RBBP8: variants seen among roughly 807,000 people sequenced by gnomAD.
RBBP8 encodes the protein DNA endonuclease RBBP8.
A neutral mutation model predicts 108.3 loss-of-function variants in RBBP8; 88 were observed. That is an observed-to-expected ratio of 0.81 (90% CI 0.68 to 0.97). RBBP8 has a LOEUF of 0.97. Ranked by LOEUF, RBBP8 falls within the 50% of genes least tolerant of loss-of-function variation. RBBP8 has a pLI of 0.00. For synonymous variants in RBBP8, 332 were observed against 348.2 expected (o/e 0.95, Z 0.52); for missense variants, 1,023 against 1,049.0 (o/e 0.98, Z 0.34).
intron 4 of RBBP8, among the ~76,000 whole-genome samples, chr18:22,957,291 CTTTTT>C (rs11418623): frequency 3.0e-4 from 28 of 92,876 alleles, no homozygotes; most frequent in African/African-American, 5.2e-4. Context: ...ATTACTTTTT[CTTTTT>C]TTTTTTTTTT....
intron 7 of RBBP8, among the ~76,000 whole-genome samples, chr18:22,982,891 T>C (rs1368570922): frequency 6.6e-6 from 1 of 152,232 alleles, no homozygotes; most frequent in African/African-American, 2.4e-5. Flanking sequence ...ATTATGTAGA[T>C]GAGTCAAAAT....
chr18:22,998,881 G>GA (rs1207028891), intron 14 of RBBP8, among the ~76,000 whole-genome samples: 2 of 152,110 alleles, frequency 1.3e-5, no homozygotes, highest in East Asian at 1.9e-4. Context: ...CCTATTAAAA[G>GA]AAAAAACCTT....
chr18:22,996,451 A>G lies in RBBP8; in HGVS notation c.2017A>G (p.Ile673Val). The G allele has an allele frequency of 6.2e-7, 1 of 1,613,542 alleles. No individual in the cohort carries two copies. The change falls in exon 13 of 19, where the codon ATA becomes GTA. Residue 673 changes from isoleucine (I) to valine (V), a missense_variant. Transcript: ENST00000327155. ...LSQYKMDVTV[I>V]DTKDGSQSKL... ...TCAGTATAAAATGGATGTTACTGTA[A>G]TAGATACAAAGGTAAGTTAAAAAGT...
upstream of RBBP8, among the ~76,000 whole-genome samples, chr18:22,931,939 C>G (rs908697305): frequency 3.3e-5 from 5 of 152,052 alleles, no homozygotes; most frequent in Admixed American, 3.3e-4. Flanking sequence ...TGGTTGGTAG[C>G]GTGGATGTGG....
intron 2 of RBBP8, among the ~76,000 whole-genome samples, chr18:22,940,433 G>T (rs1425334212): frequency 2.0e-5 from 3 of 149,574 alleles, no homozygotes; most frequent in Non-Finnish European, 4.4e-5. Context: ...CCATTCTCCT[G>T]CCTCAGCCTC....
At chr18:23,022,637 T>TAAAATA (rs376205689) in intron 18 of RBBP8, among the ~76,000 whole-genome samples, 4 of 78,046 alleles carry the variant, frequency 5.1e-5, no homozygotes, top group African/African-American at 2.0e-4. Flanking sequence ...TAAAATAAAA[T>TAAAATA]AAATAAAATA....
intron 18 of RBBP8, among the ~76,000 whole-genome samples, chr18:23,025,029 A>G (rs1468166767): frequency 2.0e-5 from 3 of 152,272 alleles, no homozygotes; most frequent in South Asian, 4.1e-4. Context: ...GGGAGGATCC[A>G]TTGAGCCCAG....
chr18:22,916,212 G>A (rs915925100), intron 2 of RBBP8, among the ~76,000 whole-genome samples: 13 of 151,690 alleles, frequency 8.6e-5, no homozygotes, highest in East Asian at 3.9e-4. Flanking sequence ...GCACAATTTC[G>A]CATAACTCTT....
chr18:22,915,761 A>T (rs771719051), intron 2 of RBBP8, among the ~76,000 whole-genome samples: 1 of 152,132 alleles, frequency 6.6e-6, no homozygotes, highest in African/African-American at 2.4e-5. Context: ...TTTAAAACAT[A>T]GGGCTTACTG....
intron 15 of RBBP8, among the ~76,000 whole-genome samples, chr18:23,002,853 C>G (rs1449390431): frequency 6.6e-6 from 1 of 152,094 alleles, no homozygotes; most frequent in African/African-American, 2.4e-5. Context: ...CTTGCTTAGT[C>G]CATGGCAAAA....
chr18:22,990,648 CCTT>C (rs1915618151), intron 9 of RBBP8, among the ~76,000 whole-genome samples: 1 of 152,154 alleles, frequency 6.6e-6, no homozygotes, highest in Non-Finnish European at 1.5e-5. Flanking sequence ...ATTTTTATCA[CCTT>C]CAAAGAAAAC....
chr18:22,988,128 G>C (rs527844191), intron 8 of RBBP8, among the ~76,000 whole-genome samples: 1 of 152,100 alleles, frequency 6.6e-6, no homozygotes, highest in African/African-American at 2.4e-5. Context: ...TACTAGTTTA[G>C]GCTACTAGCA....
intron 6 of RBBP8, among the ~76,000 whole-genome samples, chr18:22,979,868 G>C (rs192800255): frequency 1.1e-4 from 16 of 152,328 alleles, no homozygotes; most frequent in Admixed American, 3.3e-4. Flanking sequence ...TATGTCTACT[G>C]TGGTAGGCTC....
At chr18:22,975,945 T>A (rs180937040) in intron 6 of RBBP8, among the ~76,000 whole-genome samples, 2 of 152,270 alleles carry the variant, frequency 1.3e-5, no homozygotes, top group East Asian at 1.9e-4. Flanking sequence ...AGAGCAGAGA[T>A]ATGACTAACT....
chr18:23,024,734 A>T (rs542556542), intron 18 of RBBP8: 4 of 152,170 alleles, frequency 2.6e-5, no homozygotes, highest in African/African-American at 9.7e-5. Flanking sequence ...TGAAAACAAG[A>T]TATGTTTTCT....
At chr18:23,009,036 G>C (rs906990357) in intron 16 of RBBP8, among the ~76,000 whole-genome samples, 7 of 152,082 alleles carry the variant, frequency 4.6e-5, no homozygotes, top group Non-Finnish European at 1.0e-4. Flanking sequence ...GCCTCCCAAA[G>C]TGCTGGGATT....
intron 2 of RBBP8, among the ~76,000 whole-genome samples, chr18:22,941,810 T>C (rs572822420): frequency 1.2e-4 from 19 of 152,188 alleles, no homozygotes; most frequent in African/African-American, 4.1e-4. Context: ...TTTATGAATA[T>C]TAGGTATTGG....
chr18:22,971,707 G>A (rs1259136311), intron 5 of RBBP8, among the ~76,000 whole-genome samples: 7 of 143,444 alleles, frequency 4.9e-5, no homozygotes, highest in South Asian at 2.2e-4. Flanking sequence ...GTGCAGTGGC[G>A]TCATCTCTGC....
At chr18:22,938,738 A>G (rs1910791685) in intron 2 of RBBP8, among the ~76,000 whole-genome samples, 1 of 152,234 alleles carries the variant, frequency 6.6e-6, no homozygotes, top group South Asian at 2.1e-4. Flanking sequence ...TTTCTTCTAT[A>G]AAATTCTTTG....
Sources: gnomAD v4.1 joint callset for allele counts (sites outside exome capture counted in the v4.1 genomes callset) on GRCh38, gnomAD v4.1.1 for gene constraint, MANE v1.5 for transcripts, NCBI Gene and HGNC (gene_info 2026-07-23, HGNC 2026-07-21) for gene names.